SH2D4B: variants seen among roughly 807,000 people sequenced by gnomAD.
The protein encoded by SH2D4B is SH2 domain-containing protein 4B.
Under a neutral mutation model 61.5 loss-of-function variants are expected in SH2D4B, and 45 were observed. That is an observed-to-expected ratio of 0.73 (90% CI 0.58 to 0.94). The LOEUF (loss-of-function observed/expected upper bound fraction) is 0.94. SH2D4B is among the 40% of genes least tolerant of loss of function. The pLI, the probability that SH2D4B is intolerant of heterozygous loss-of-function variation, is 0.00. For missense variants in SH2D4B, 572 were observed against 574.2 expected (o/e 1.00, Z 0.04); for synonymous variants, 224 against 220.4 (o/e 1.02, Z -0.14).
At chr10:80,584,276 G>C (rs1842217186) in intron 3 of SH2D4B, among the ~76,000 whole-genome samples, 3 of 152,216 alleles carry the variant, frequency 2.0e-5, no homozygotes. Context: ...TGGATGGAGA[G>C]GAGGCTTAGG....
intron 1 of SH2D4B, among the ~76,000 whole-genome samples, chr10:80,551,113 C>T (rs537561365): frequency 2.6e-5 from 4 of 152,118 alleles, no homozygotes; most frequent in Non-Finnish European, 2.9e-5. Flanking sequence ...AGTGTAGTGG[C>T]GCGATTTCGG....
In SH2D4B at chr10:80,646,248, T is replaced by C. The variant is rs1840393981; in HGVS notation, c.*2163T>C. The C allele has an allele frequency of 6.6e-6, 1 of 152,646 alleles. No individual in the cohort carries two copies. The allele number at this position is 152,646 out of a possible 1,614,324, so 9.5% of individuals were successfully genotyped here. ...TTTTCAAGGTGTTGGAGGCAACTTC[T>C]GTTCCAAGAACTCCCAGCAGCTTTG... On this transcript the variant is annotated 3_prime_UTR_variant, in exon 8 of 8. Coordinates refer to ENST00000646907, the MANE Select transcript of SH2D4B (RefSeq NM_001388272.1).
At chr10:80,604,704 T>TA (rs1287921350) in intron 5 of SH2D4B, among the ~76,000 whole-genome samples, 7 of 151,934 alleles carry the variant, frequency 4.6e-5, no homozygotes, top group Non-Finnish European at 2.9e-5. Flanking sequence ...CCAGAAGGTT[T>TA]AAAAAGGTAT....
intron 1 of SH2D4B, among the ~76,000 whole-genome samples, chr10:80,555,648 T>C (rs928753977): frequency 6.6e-6 from 1 of 152,148 alleles, no homozygotes; most frequent in African/African-American, 2.4e-5. Context: ...TTGAATGTCG[T>C]GGGGAAATTG....
At chr10:80,562,894 CTTTTTTTTTT>C (rs34539206) in intron 1 of SH2D4B, among the ~76,000 whole-genome samples, 1 of 74,696 alleles carries the variant, frequency 1.3e-5, no homozygotes, top group East Asian at 4.9e-4. Context: ...AACATTTTTT[CTTTTTTTTTT>C]TTTTTTTTTT....
At chr10:80,573,281 C>T (rs772881794) in intron 3 of SH2D4B, among the ~76,000 whole-genome samples, 4 of 151,420 alleles carry the variant, frequency 2.6e-5, no homozygotes, top group Admixed American at 6.6e-5. Context: ...CCACCGTGCC[C>T]GGCCTATGTT....
At chr10:80,584,183 A>G (rs1210451078) in intron 3 of SH2D4B, among the ~76,000 whole-genome samples, 1 of 152,246 alleles carries the variant, frequency 6.6e-6, no homozygotes, top group East Asian at 1.9e-4. Flanking sequence ...GAAGTGTTAA[A>G]TGCTGCTGCA....
At chr10:80,604,919 A>G (rs1190591505) in intron 5 of SH2D4B, among the ~76,000 whole-genome samples, 3 of 151,552 alleles carry the variant, frequency 2.0e-5, no homozygotes, top group East Asian at 1.9e-4. Context: ...TCAGCATCCC[A>G]AGTAGCTGGG....
intron 4 of SH2D4B, among the ~76,000 whole-genome samples, chr10:80,602,820 G>A (rs1842465797): frequency 6.6e-6 from 1 of 152,176 alleles, no homozygotes; most frequent in Non-Finnish European, 1.5e-5. Flanking sequence ...TTTTTAGTAG[G>A]AAAGAGCTCT....
Position 80,572,960 on chromosome 10 carries a change from ATATATATATATATATATATATATATAT to A in SH2D4B, c.495+1384_495+1410del, listed in dbSNP as rs1340034180. 6.3e-3 allele frequency among the ~76,000 whole-genome samples: 29 copies of A among 4,576 alleles called. 1 individual carries two copies. The highest frequency in any genetic ancestry group is 0.018 in the African/African-American group (16 of 874). The allele number at this position is 4,576 out of a possible 152,430, so 3.0% of individuals were successfully genotyped here. A position where few individuals can be genotyped will look rare whatever the true frequency, so the allele number is the denominator to read the frequency against. Reference sequence around the variant, plus strand: ...GTATGTTGCAAATATATATATATATATATATATATATATATATATATATATATTTTTTTTTTTTTTTTTTTTTTTTTT... The same window carrying A: ...GTATGTTGCAAATATATATATATATATTTTTTTTTTTTTTTTTTTTTTTTT... On this transcript the variant is annotated intron_variant, in intron 3 of 7. Transcript: ENST00000646907.
intron 3 of SH2D4B, among the ~76,000 whole-genome samples, chr10:80,572,015 G>A (rs186482961): frequency 2.0e-5 from 3 of 151,804 alleles, no homozygotes; most frequent in African/African-American, 2.4e-5. Context: ...CTCGTGATCC[G>A]CCCGCCTCGG....
At chr10:80,554,465 T>C (rs7097208) in intron 1 of SH2D4B, among the ~76,000 whole-genome samples, 5,663 of 152,224 alleles carry the variant, frequency 0.037, 315 homozygotes, top group African/African-American at 0.13. Flanking sequence ...TGTGCTTACA[T>C]AATTATTTTA....
chr10:80,587,905 A>G (rs1362365374), intron 3 of SH2D4B, among the ~76,000 whole-genome samples: 6 of 152,228 alleles, frequency 3.9e-5, no homozygotes, highest in Admixed American at 2.0e-4. Flanking sequence ...CATCTATGTT[A>G]CTGCAGAGGA....
chr10:80,635,402 G>A (rs1443151894), intron 7 of SH2D4B, among the ~76,000 whole-genome samples: 1 of 152,218 alleles, frequency 6.6e-6, no homozygotes, highest in Non-Finnish European at 1.5e-5. Context: ...CTTTGTGGGT[G>A]TAGATGGTTT....
chr10:80,610,671 G>C (rs1842586203), intron 6 of SH2D4B, among the ~76,000 whole-genome samples: 1 of 152,162 alleles, frequency 6.6e-6, no homozygotes, highest in African/African-American at 2.4e-5. Flanking sequence ...ATCTTCCTCT[G>C]TTGCCACTGC....
chr10:80,538,399 A>G lies in SH2D4B; in HGVS notation c.68A>G (p.Gln23Arg). The change falls in exon 1 of 8, where the codon CAG (glutamine) becomes CGG (arginine). Residue 23 changes from glutamine (Q) to arginine (R), a missense_variant. Gln to Arg is a conservative substitution (Grantham distance 43). Coordinates refer to ENST00000646907, the MANE Select transcript of SH2D4B (RefSeq NM_001388272.1). The surrounding 1 kb of genome is among the most constrained non-coding windows in gnomAD (Gnocchi z 4.8). ...PELLAELSDV[Q>R]KHILFYKMRE... Reference sequence around the variant, plus strand: ...CTCCTTGCCGAGCTCAGCGATGTGCAGAAGCACATCCTCTTCTACAAAATG... The same window carrying G: ...CTCCTTGCCGAGCTCAGCGATGTGCGGAAGCACATCCTCTTCTACAAAATG... 11 of 1,465,600 alleles carry G rather than the reference A, an allele frequency of 7.5e-6. No individual in the cohort carries two copies. Among genetic ancestry groups the G allele is most frequent in the East Asian group, 2.6e-5 (1 of 37,996 alleles). 90.8% of individuals were successfully genotyped at this position (1,465,600 alleles called of 1,614,324 possible).
intron 1 of SH2D4B, among the ~76,000 whole-genome samples, chr10:80,548,193 T>G (rs2343555): frequency 6.6e-5 from 10 of 152,116 alleles, no homozygotes; most frequent in African/African-American, 2.4e-4. Context: ...CTTAGACAGT[T>G]TCACTCTGTC....
At chr10:80,619,227 TG>T (rs1293551436) in intron 6 of SH2D4B, among the ~76,000 whole-genome samples, 1 of 152,222 alleles carries the variant, frequency 6.6e-6, no homozygotes, top group African/African-American at 2.4e-5. Context: ...TAGTCAGTGC[TG>T]GCACAGGAAG....
At chr10:80,613,016 T>C (rs1842618938) in intron 6 of SH2D4B, among the ~76,000 whole-genome samples, 2 of 152,210 alleles carry the variant, frequency 1.3e-5, no homozygotes, top group Admixed American at 1.3e-4. Context: ...TTGTCCACCA[T>C]AAAAAGCCAT....
Sources: allele counts gnomAD v4.1 joint callset (sites outside exome capture counted in the v4.1 genomes callset), GRCh38; gene constraint gnomAD v4.1.1; non-coding constraint Gnocchi (gnomAD v3.1); transcripts MANE v1.5; gene names NCBI Gene and HGNC (gene_info 2026-07-23, HGNC 2026-07-21).